The following LEKR1 variants were observed in gnomAD, a reference collection of about 807,000 sequenced individuals.
LEKR1 encodes the protein protein LEKR1.
LEKR1 carries 59 observed loss-of-function variants against 72.4 expected under a neutral mutation model. That is an observed-to-expected ratio of 0.82 (90% CI 0.66 to 1.01). The LOEUF is 1.01. Among genes scored for constraint, LEKR1 ranks in the 50% least tolerant of loss-of-function variants. LEKR1 has a pLI of 0.00. For synonymous variants in LEKR1, 257 were observed against 263.2 expected (o/e 0.98, Z 0.23); for missense variants, 728 against 759.2 (o/e 0.96, Z 0.48).
intron 6 of LEKR1, among the ~76,000 whole-genome samples, chr3:156,972,725 T>G (rs1406205804): frequency 6.6e-6 from 1 of 150,596 alleles, no homozygotes; most frequent in Admixed American, 6.6e-5. Context: ...ATAAAATAAT[T>G]TAAATAAACT....
chr3:156,946,074 A>G (rs572259356), intron 6 of LEKR1, among the ~76,000 whole-genome samples: 5 of 151,792 alleles, frequency 3.3e-5, no homozygotes, highest in East Asian at 1.9e-4. Flanking sequence ...GATTTTTCCA[A>G]TCTATGAACT....
chr3:156,932,577 G>A (rs1725322481), intron 5 of LEKR1, among the ~76,000 whole-genome samples: 2 of 151,992 alleles, frequency 1.3e-5, no homozygotes, highest in South Asian at 2.1e-4. Flanking sequence ...GCCAGGTGTG[G>A]TGGTGCGCAC....
At chr3:157,041,065 G>A (rs1037918853) in intron 12 of LEKR1, among the ~76,000 whole-genome samples, 1 of 152,192 alleles carries the variant, frequency 6.6e-6, no homozygotes, top group Non-Finnish European at 1.5e-5. Flanking sequence ...CAAACATATG[G>A]TGAACTAATT....
intron 1 of LEKR1, among the ~76,000 whole-genome samples, chr3:156,828,638 T>C (rs1711965271): frequency 6.6e-6 from 1 of 152,146 alleles, no homozygotes; most frequent in Admixed American, 6.5e-5. Context: ...CCTCTGGTTT[T>C]ATGAAAGTAG....
intron 12 of LEKR1, 49 bp from the exon 13 acceptor site, chr3:157,045,291 T>C (rs753018705): frequency 2.8e-5 from 41 of 1,470,616 alleles, no homozygotes; most frequent in Non-Finnish European, 7.5e-6. Context: ...TCTACTTATG[T>C]ACATTGTTTA....
chr3:156,891,891 G>A (rs1720700879), intron 3 of LEKR1, among the ~76,000 whole-genome samples: 2 of 152,238 alleles, frequency 1.3e-5, no homozygotes, highest in South Asian at 4.2e-4. Context: ...CCAAATGTCT[G>A]ATCACTTAGC....
intron 6 of LEKR1, among the ~76,000 whole-genome samples, chr3:156,971,022 G>A (rs1318435085): frequency 1.2e-4 from 18 of 151,582 alleles, no homozygotes; most frequent in Non-Finnish European, 2.7e-4. Flanking sequence ...AAAAGAGCCC[G>A]CATCGCCAAG....
chr3:156,960,933 C>T (rs1415471714), intron 6 of LEKR1, among the ~76,000 whole-genome samples: 5 of 152,164 alleles, frequency 3.3e-5, no homozygotes, highest in Admixed American at 3.3e-4. Flanking sequence ...CACAATTTAT[C>T]TCAATTGATA....
chr3:156,902,111 C>T (rs1346381299), intron 3 of LEKR1, among the ~76,000 whole-genome samples: 1 of 152,072 alleles, frequency 6.6e-6, no homozygotes, highest in South Asian at 2.1e-4. Flanking sequence ...TTTTGGGGTG[C>T]ATTAATAAAT....
At chr3:156,997,217 C>T (rs554753322) in intron 9 of LEKR1, among the ~76,000 whole-genome samples, 1 of 152,278 alleles carries the variant, frequency 6.6e-6, no homozygotes, top group East Asian at 1.9e-4. Context: ...CTTTCCCCTT[C>T]CCTCCTGTGA....
intron 10 of LEKR1, among the ~76,000 whole-genome samples, chr3:157,021,517 A>C (rs1160729923): frequency 1.3e-5 from 2 of 152,200 alleles, no homozygotes; most frequent in African/African-American, 4.8e-5. Flanking sequence ...CCTAATCTCC[A>C]TAATAATTTT....
intron 3 of LEKR1, chr3:156,888,190 G>A (rs889590578): frequency 4.6e-6 from 3 of 652,514 alleles, no homozygotes; most frequent in Non-Finnish European, 8.4e-6. Context: ...AGAGGATTGG[G>A]TTAGGGAACA....
intron 6 of LEKR1, among the ~76,000 whole-genome samples, chr3:156,971,976 C>G (rs1351654781): frequency 6.6e-6 from 1 of 152,152 alleles, no homozygotes; most frequent in Non-Finnish European, 1.5e-5. Context: ...TTTGACCCAG[C>G]AATGCCATTA....
intron 6 of LEKR1, among the ~76,000 whole-genome samples, chr3:156,965,662 A>G (rs1207656842): frequency 6.6e-6 from 1 of 152,180 alleles, no homozygotes; most frequent in African/African-American, 2.4e-5. Context: ...AATGTACTTC[A>G]AGAACACTTG....
chr3:157,024,829 A>G lies in LEKR1; in HGVS notation c.1273A>G (p.Lys425Glu). The change falls in exon 11 of 13, where the codon AAG (lysine) becomes GAG (glutamate). Residue 425 changes from lysine (K) to glutamate (E), a missense_variant. Lys to Glu is a moderately conservative substitution (Grantham distance 56). Coordinates refer to ENST00000356539, the MANE Select transcript of LEKR1 (RefSeq NM_001004316.3). Reference protein sequence around the residue: ...VEFEEQALLFKEETKLQLDIE... With the variant: ...VEFEEQALLFEEETKLQLDIE... ...ATTTGAAGAGCAAGCTCTTCTCTTT[A>G]AGGAAGAAACAAAATTGCAACTTGA... is the stretch of plus-strand genomic sequence containing the variant. 1 of 1,612,430 alleles carries G rather than the reference A, an allele frequency of 6.2e-7. No individual in the cohort carries two copies. The highest frequency in any genetic ancestry group is 8.5e-7 in the Non-Finnish European group (1 of 1,179,032).
At chr3:156,905,110 G>T (rs1420098680) in intron 3 of LEKR1, among the ~76,000 whole-genome samples, 7 of 152,012 alleles carry the variant, frequency 4.6e-5, no homozygotes. Context: ...GAATAAATAT[G>T]AATGTATGGT....
At chr3:156,847,068 A>G (rs867675276) in intron 2 of LEKR1, among the ~76,000 whole-genome samples, 4 of 152,148 alleles carry the variant, frequency 2.6e-5, no homozygotes, top group Non-Finnish European at 4.4e-5. Flanking sequence ...TCGGCCTCCC[A>G]AAGCGCTGGG....
At chr3:156,987,671 A>AT (rs1177924772) in intron 7 of LEKR1, among the ~76,000 whole-genome samples, 2 of 152,168 alleles carry the variant, frequency 1.3e-5, no homozygotes, top group Non-Finnish European at 2.9e-5. Flanking sequence ...TAAAGTCCAC[A>AT]TTTCAGTTCC....
intron 3 of LEKR1, among the ~76,000 whole-genome samples, chr3:156,893,660 G>A (rs993386472): frequency 7.9e-5 from 12 of 152,170 alleles, no homozygotes; most frequent in East Asian, 5.8e-4. Flanking sequence ...CTTTGCTTTC[G>A]CCTTGACTGT....
Sources: gnomAD v4.1 joint callset for allele counts (sites outside exome capture counted in the v4.1 genomes callset) on GRCh38, gnomAD v4.1.1 for gene constraint, MANE v1.5 for transcripts, NCBI Gene and HGNC (gene_info 2026-07-23, HGNC 2026-07-21) for gene names.